The following MEI4 variants were observed in gnomAD, a reference collection of about 807,000 sequenced individuals.
The protein encoded by MEI4 is meiotic double-stranded break formation protein 4.
Under a neutral mutation model 31.4 loss-of-function variants are expected in MEI4, and 27 were observed. The ratio of observed to expected loss-of-function variants is 0.86; its 90% confidence interval spans 0.63 to 1.19. The LOEUF (loss-of-function observed/expected upper bound fraction) is 1.19. Among genes scored for constraint, MEI4 ranks in the 50% most tolerant of loss-of-function variants. The pLI, the probability that MEI4 is intolerant of heterozygous loss-of-function variation, is 0.00. For missense variants in MEI4, 329 were observed against 398.9 expected, an observed-to-expected ratio of 0.82 and a Z score of 1.49; for synonymous variants, 122 against 145.4, an observed-to-expected ratio of 0.84 and a Z score of 1.16.
At chr6:77,675,253 C>CT (rs1207970042) in intron 1 of MEI4, among the ~76,000 whole-genome samples, 2 of 152,046 alleles carry the variant, frequency 1.3e-5, no homozygotes, top group Non-Finnish European at 2.9e-5. Flanking sequence ...TATAGGTACT[C>CT]TTTAGATACT....
At chr6:77,785,106 AT>A (rs1331155645) in intron 3 of MEI4, among the ~76,000 whole-genome samples, 2 of 152,164 alleles carry the variant, frequency 1.3e-5, no homozygotes, top group African/African-American at 4.8e-5. Context: ...GGGAATTTGG[AT>A]TGGGAAATCA....
intron 4 of MEI4, among the ~76,000 whole-genome samples, chr6:77,862,834 C>A (rs1002141058): frequency 2.0e-5 from 3 of 152,172 alleles, no homozygotes; most frequent in Admixed American, 6.5e-5. Flanking sequence ...CCAGTAGGGG[C>A]AGACTGACAC....
intron 4 of MEI4, among the ~76,000 whole-genome samples, chr6:77,833,747 G>T (rs142131119): frequency 6.6e-6 from 1 of 151,982 alleles, no homozygotes; most frequent in Non-Finnish European, 1.5e-5. Flanking sequence ...TTTAAGCCCC[G>T]CATGCATTAG....
chr6:77,856,854 C>G (rs1308381348), intron 4 of MEI4, among the ~76,000 whole-genome samples: 1 of 150,746 alleles, frequency 6.6e-6, no homozygotes, highest in East Asian at 1.9e-4. Flanking sequence ...CAAGGCACAC[C>G]TCTTTACATT....
chr6:77,694,169 A>G (rs754761233), intron 2 of MEI4, among the ~76,000 whole-genome samples: 1 of 152,060 alleles, frequency 6.6e-6, no homozygotes, highest in Non-Finnish European at 1.5e-5. Context: ...TAATCATGTT[A>G]TGCTAAACAT....
chr6:77,655,152 A>T (rs939988189), intron 1 of MEI4, among the ~76,000 whole-genome samples: 2 of 152,060 alleles, frequency 1.3e-5, no homozygotes, highest in African/African-American at 4.8e-5. Context: ...GAGAACATGC[A>T]GTGTTTGGTT....
At chr6:77,915,111 C>A (rs927457651) in intron 4 of MEI4, among the ~76,000 whole-genome samples, 1 of 151,954 alleles carries the variant, frequency 6.6e-6, no homozygotes, top group East Asian at 1.9e-4. Flanking sequence ...TGGTTTCTGG[C>A]TGTTTGTGTG....
intron 1 of MEI4, among the ~76,000 whole-genome samples, chr6:77,658,677 C>T (rs1216900230): frequency 1.3e-5 from 2 of 151,928 alleles, no homozygotes; most frequent in African/African-American, 4.8e-5. Flanking sequence ...TTAGAAGAAA[C>T]ATTTGTTGTA....
chr6:77,882,873 C>T (rs964480701), intron 4 of MEI4, among the ~76,000 whole-genome samples: 6 of 151,688 alleles, frequency 4.0e-5, no homozygotes, highest in Admixed American at 6.6e-5. Flanking sequence ...TTTAGTTCCC[C>T]AAAAATGTAA....
At chr6:77,907,176 G>C (rs1446571959) in intron 4 of MEI4, among the ~76,000 whole-genome samples, 4 of 151,976 alleles carry the variant, frequency 2.6e-5, no homozygotes, top group Non-Finnish European at 1.5e-5. Flanking sequence ...TAGGGTACAT[G>C]TGCATAACAT....
Position 77,747,932 on chromosome 6 carries a change from G to C in MEI4, c.233-13198G>C, listed in dbSNP as rs187263786. Among the ~76,000 whole-genome samples, 26 of 152,322 alleles carry C rather than the reference G, an allele frequency of 1.7e-4. No homozygotes were observed. In the East Asian group the frequency reaches 4.6e-3, roughly 27 times the overall value. On this transcript the variant is annotated intron_variant, in intron 2 of 4. Coordinates refer to ENST00000684080, the MANE Select transcript of MEI4 (RefSeq NM_001322247.2). ...AATGGGAGAAATTGACCAAAACAAA[G>C]GGGGCTACAGGCCCCATGCAAGTGC...
intron 2 of MEI4, among the ~76,000 whole-genome samples, chr6:77,743,673 G>T (rs1295885439): frequency 6.6e-6 from 1 of 151,752 alleles, no homozygotes; most frequent in Non-Finnish European, 1.5e-5. Flanking sequence ...CCTCAAGTGG[G>T]TCCCTGACCC....
chr6:77,917,217 G>A (rs1766580464), intron 4 of MEI4, among the ~76,000 whole-genome samples: 1 of 151,944 alleles, frequency 6.6e-6, no homozygotes, highest in African/African-American at 2.4e-5. Context: ...TGTGAATAAT[G>A]CCGCAATATA....
intron 2 of MEI4, among the ~76,000 whole-genome samples, chr6:77,695,072 T>C (rs1034482072): frequency 7.9e-5 from 12 of 152,230 alleles, no homozygotes; most frequent in Non-Finnish European, 1.3e-4. Context: ...TTTTGAGAAG[T>C]GTCTGTTCGT....
At chr6:77,801,097 A>AT in intron 3 of MEI4, among the ~76,000 whole-genome samples, 1 of 152,204 alleles carries the variant, frequency 6.6e-6, no homozygotes, top group Non-Finnish European at 1.5e-5. Context: ...CTCTGGTAGA[A>AT]TTCGGCTGTG....
intron 3 of MEI4, among the ~76,000 whole-genome samples, chr6:77,817,590 A>C (rs2127707090): frequency 6.6e-6 from 1 of 151,810 alleles, no homozygotes; most frequent in African/African-American, 2.4e-5. Context: ...AGACTTTAAA[A>C]CCTATTATTA....
chr6:77,660,872 TG>T (rs1768492104), intron 1 of MEI4, among the ~76,000 whole-genome samples: 1 of 151,992 alleles, frequency 6.6e-6, no homozygotes, highest in South Asian at 2.1e-4. Context: ...CCATTGAGGT[TG>T]TAGAGTTTGA....
In MEI4 at chr6:77,761,208, G is replaced by A. The variant is rs1768035678; in HGVS notation, c.311G>A (p.Cys104Tyr). The change falls in exon 3 of 5, where the codon TGT becomes TAT. Residue 104 changes from cysteine (C) to tyrosine (Y), a missense_variant. Coordinates refer to ENST00000684080, the MANE Select transcript of MEI4 (RefSeq NM_001322247.2). ...STLTSMEDSG[C>Y]DLSNEQRTES... ...TTAACTTCGATGGAAGATTCTGGAT[G>A]TGATTTGTCGAATGAGCAGAGAACT... 4 of 1,232,368 alleles carry A rather than the reference G, an allele frequency of 3.2e-6. No homozygotes were observed. In the East Asian group the frequency reaches 1.3e-4, roughly 39 times the overall value. 76.3% of individuals were successfully genotyped at this position (1,232,368 alleles called of 1,614,324 possible).
intron 2 of MEI4, among the ~76,000 whole-genome samples, chr6:77,704,380 C>A (rs2175691): frequency 0.75 from 114,440 of 152,098 alleles, 43,285 homozygotes; most frequent in East Asian, 0.86. Flanking sequence ...AGTCGTCCTC[C>A]CCTCTTGCCT....
Sources: allele counts gnomAD v4.1 joint callset (sites outside exome capture counted in the v4.1 genomes callset), GRCh38; gene constraint gnomAD v4.1.1; transcripts MANE v1.5; gene names NCBI Gene and HGNC (gene_info 2026-07-23, HGNC 2026-07-21).